Variants in ARX observed in about 807,000 individuals in gnomAD.
The protein encoded by ARX is aristaless related homeobox.
In ARX, 1 loss-of-function variant was observed where a neutral mutation model predicts 23.1. The observed-to-expected ratio is 0.04, with a 90% CI of 0.02 to 0.21. ARX has a LOEUF of 0.21. Ranked by LOEUF, ARX falls within the 10% of genes least tolerant of loss-of-function variation. ARX has a pLI of 1.00. For synonymous variants in ARX, 301 were observed against 270.1 expected (o/e 1.11, Z -1.12); for missense variants, 380 against 527.5 (o/e 0.72, Z 2.74).
chrX:25,008,850 C>G (rs144143832), intron 3 of ARX, among the ~76,000 whole-genome samples: 223 of 112,403 alleles, frequency 2.0e-3, no homozygotes, highest in African/African-American at 6.9e-3. Context: ...AATCAAGAAT[C>G]CAAATCGGTC....
At chrX:25,011,258 C>T (rs1415760026) in intron 2 of ARX, among the ~76,000 whole-genome samples, 1 of 111,926 alleles carries the variant, frequency 8.9e-6, no homozygotes, top group African/African-American at 3.3e-5. Context: ...CCATAAGTGC[C>T]CTCCGTTGCC....
At chrX:25,007,486 G>C in intron 3 of ARX, 47 bp from the exon 4 acceptor site, 1 of 1,135,725 alleles carries the variant, frequency 8.8e-7, no homozygotes, top group South Asian at 2.0e-5. Flanking sequence ...GGCCCGGCGG[G>C]CGCACCGGGC....
At chrX:25,011,992 CG>C (rs2048704224) in intron 2 of ARX, among the ~76,000 whole-genome samples, 1 of 112,430 alleles carries the variant, frequency 8.9e-6, no homozygotes, top group Non-Finnish European at 1.9e-5. Context: ...GATCCCTACC[CG>C]GGCCGGCGCC....
Position 25,015,526 on chromosome X carries a change from A to G in ARX, c.196+16T>C. The G allele has an allele frequency of 8.3e-7, 1 of 1,208,407 alleles. No homozygotes were observed. Among genetic ancestry groups the G allele is most frequent in the Non-Finnish European group, 1.1e-6 (1 of 893,819 alleles). On this transcript the variant is annotated intron_variant, in intron 1 of 4. Coordinates refer to ENST00000379044, the MANE Select transcript of ARX (RefSeq NM_139058.3). ...GCCCAATGCCCTTAGTAAGTGCCTG[A>G]CGGGAGCATCCTTACCTTGCACGGC... is the stretch of plus-strand genomic sequence containing the variant.
chrX:25,014,163 T>A (rs1177344600), intron 1 of ARX, among the ~76,000 whole-genome samples: 2 of 108,283 alleles, frequency 1.8e-5, no homozygotes, highest in Non-Finnish European at 3.8e-5. Flanking sequence ...CCCCCTCCCT[T>A]CTTTTCCTCA....
chrX:25,013,370 C>T lies in ARX; in HGVS notation c.625G>A (p.Gly209Ser), dbSNP rs587783203. 3.2e-5 allele frequency: 36 copies of T among 1,137,965 alleles called. No individual in the cohort carries two copies. The highest frequency in any genetic ancestry group is 3.8e-5 in the Non-Finnish European group (33 of 865,559). The allele number at this position is 1,137,965 out of a possible 1,213,427, so 93.8% of individuals were successfully genotyped here. A position where few individuals can be genotyped will look rare whatever the true frequency, so the allele number is the denominator to read the frequency against. ...GCAGCCGGGGCGCTGCCCGGGCCGC[C>T]GGCCACGCCGAGGCGCTCCTCCGGG... ...THPEERLGVAGGPGSAPAAGG... is the reference protein window; with the variant it reads ...THPEERLGVASGPGSAPAAGG... Residue 209 changes from glycine (G) to serine (S), a missense_variant, in exon 2 of 5, where the codon GGC becomes AGC. Transcript: ENST00000379044.
At chrX:25,012,273 G>A (rs998166413) in intron 2 of ARX, among the ~76,000 whole-genome samples, 1 of 112,649 alleles carries the variant, frequency 8.9e-6, no homozygotes, top group African/African-American at 3.2e-5. Context: ...TTCTGGCTGG[G>A]GCCCCTCAGG....
At chrX:25,009,625 G>C (rs1569394534) in intron 3 of ARX, among the ~76,000 whole-genome samples, 1 of 111,637 alleles carries the variant, frequency 9.0e-6, no homozygotes, top group Non-Finnish European at 1.9e-5. Flanking sequence ...TGAGGCCTGG[G>C]TTCGGAAATG....
Position 25,007,190 on chromosome X carries a change from C to G in ARX, c.1369G>C (p.Gly457Arg). 1.7e-6 allele frequency: 2 copies of G among 1,186,036 alleles called. No individual in the cohort carries two copies. The highest frequency in any genetic ancestry group is 2.3e-6 in the Non-Finnish European group (2 of 883,835). Residue 457 changes from glycine to arginine, a missense_variant, in exon 4 of 5, where the codon GGG becomes CGG. This residue lies in a region of ARX where 121 missense variants were observed against 169.7 expected (regional missense o/e 0.71). Coordinates refer to ENST00000379044, the MANE Select transcript of ARX (RefSeq NM_139058.3). ...AAAGTGCTCAGGCCCAGCGGCGCCCCGCTGGGCGGCAGGCTGGCCGAGCCC... is the reference window on the plus strand; with the variant it reads ...AAAGTGCTCAGGCCCAGCGGCGCCCGGCTGGGCGGCAGGCTGGCCGAGCCC... The part of the protein sequence containing the change: ...PPGSASLPPS[G>R]APLGLSTFLG...
At chrX:25,010,193 C>CCCACA in intron 3 of ARX, 67 bp downstream of exon 3, 5 of 1,104,462 alleles carry the variant, frequency 4.5e-6, no homozygotes, top group African/African-American at 1.8e-5. Flanking sequence ...CGCCACCAAC[C>CCCACA]CATCTCTCTC....
In ARX at chrX:25,007,199, G is replaced by T. The variant is rs770491850; in HGVS notation, c.1360C>A (p.Pro454Thr). 1.7e-6 allele frequency: 2 copies of T among 1,178,590 alleles called. No individual in the cohort carries two copies. Among genetic ancestry groups the T allele is most frequent in the Non-Finnish European group, 1.1e-6 (1 of 880,416 alleles). ...LPPPPGSASL[P>T]PSGAPLGLST... Reference sequence around the variant, plus strand: ...AGGCCCAGCGGCGCCCCGCTGGGCGGCAGGCTGGCCGAGCCCGGAGGCGGA... The same window carrying T: ...AGGCCCAGCGGCGCCCCGCTGGGCGTCAGGCTGGCCGAGCCCGGAGGCGGA... The change falls in exon 4 of 5, where the codon CCG becomes ACG. Residue 454 changes from proline to threonine, a missense_variant. Transcript: ENST00000379044.
intron 4 of ARX, 142 bp from the exon 5 acceptor site, chrX:25,005,052 C>T (rs2048671885): frequency 1.3e-5 from 11 of 875,000 alleles, no homozygotes; most frequent in Non-Finnish European, 1.6e-5. Flanking sequence ...GGGAAGTGGG[C>T]AGAGGGCGCG....
At chrX:25,007,786 G>A (rs2147320829) in intron 3 of ARX, among the ~76,000 whole-genome samples, 1 of 111,589 alleles carries the variant, frequency 9.0e-6, no homozygotes, top group South Asian at 3.9e-4. Context: ...GGATCTTTAG[G>A]CAGGTCACTT....
chrX:25,013,395 G>A lies in ARX; in HGVS notation c.600C>T (p.His200=), dbSNP rs398124516. ...DELGGPGGVT[H]PEERLGVAGG... is the part of the protein sequence containing the mutation. ...CGGCCACGCCGAGGCGCTCCTCCGG[G>A]TGCGTGACGCCCCCCGGGCCGCCCA... The change falls in exon 2 of 5, where the codon CAC becomes CAT. Residue 200 remains histidine (H), a synonymous_variant. Transcript: ENST00000379044. The A allele has an allele frequency of 9.2e-7, 1 of 1,091,478 alleles. No individual in the cohort carries two copies. The allele number at this position is 1,091,478 out of a possible 1,213,427, so 90.0% of individuals were successfully genotyped here.
chrX:25,012,045 A>T, intron 2 of ARX, among the ~76,000 whole-genome samples: 1 of 112,344 alleles, frequency 8.9e-6, no homozygotes, highest in Non-Finnish European at 1.9e-5. Flanking sequence ...CAGTCATCAC[A>T]CAGGCACATG....
chrX:25,011,839 G>A (rs972331881), intron 2 of ARX, among the ~76,000 whole-genome samples: 30 of 112,953 alleles, frequency 2.7e-4, no homozygotes, highest in Non-Finnish European at 3.4e-4. Context: ...AGCTGCGCAC[G>A]TCTCCTTCGA....
In ARX at chrX:25,004,377, C is replaced by T. The variant is rs2048667337; in HGVS notation, c.*293G>A. 1 of 312,718 alleles carries T rather than the reference C, an allele frequency of 3.2e-6. No homozygotes were observed. The highest frequency in any genetic ancestry group is 5.9e-5 in the Admixed American group (1 of 16,838). The allele number at this position is 312,718 out of a possible 1,213,427, so 25.8% of individuals were successfully genotyped here. Reference sequence around the variant, plus strand: ...ATATCAGGCGTCTGGGGGAGAAAACCTCCCCGATATTTTCAGGAAAGTAAG... The same window carrying T: ...ATATCAGGCGTCTGGGGGAGAAAACTTCCCCGATATTTTCAGGAAAGTAAG... On this transcript the variant is annotated 3_prime_UTR_variant, in exon 5 of 5. Transcript: ENST00000379044.
chrX:25,007,215 C>A lies in ARX; in HGVS notation c.1344G>T (p.Pro448=). ...AAAFPSLPPP[P]GSASLPPSGA... ...CGCTGGGCGGCAGGCTGGCCGAGCC[C>A]GGAGGCGGAGGTAGGCTCGGGAAGG... Residue 448 remains proline (P), a synonymous_variant, in exon 4 of 5, where the codon CCG becomes CCT. Transcript: ENST00000379044. The A allele has an allele frequency of 8.6e-7, 1 of 1,156,184 alleles. No homozygotes were observed. Among genetic ancestry groups the A allele is most frequent in the Non-Finnish European group, 1.1e-6 (1 of 870,772 alleles).
At chrX:25,006,237 A>C (rs2048677419) in intron 4 of ARX, among the ~76,000 whole-genome samples, 1 of 112,180 alleles carries the variant, frequency 8.9e-6, no homozygotes, top group Non-Finnish European at 1.9e-5. Context: ...TGAGTCACTA[A>C]CTCTGCTTCA....
Sources: gnomAD v4.1 joint callset for allele counts (sites outside exome capture counted in the v4.1 genomes callset) on GRCh38, gnomAD v4.1.1 for gene constraint, gnomAD v4.1.1 regional missense constraint, MANE v1.5 for transcripts, NCBI Gene and HGNC (gene_info 2026-07-23, HGNC 2026-07-21) for gene names.